PRLR: variants seen among roughly 807,000 people sequenced by gnomAD.
PRLR encodes the protein hPRL receptor.
PRLR carries 13 observed loss-of-function variants against 40.2 expected under a neutral mutation model. The ratio of observed to expected loss-of-function variants is 0.32; its 90% confidence interval spans 0.21 to 0.51. The LOEUF is 0.51. PRLR is among the 20% of genes least tolerant of loss of function. The pLI, the probability that PRLR is intolerant of heterozygous loss-of-function variation, is 0.97. For synonymous variants in PRLR, 269 were observed against 278.7 expected, an observed-to-expected ratio of 0.97 and a Z score of 0.35; for missense variants, 656 against 747.3, an observed-to-expected ratio of 0.88 and a Z score of 1.42.
chr5:35,121,344 C>A (rs1340478410), intron 1 of PRLR, among the ~76,000 whole-genome samples: 1 of 152,204 alleles, frequency 6.6e-6, no homozygotes, highest in Non-Finnish European at 1.5e-5. Flanking sequence ...AGTAAATCTT[C>A]TCAGTTCTAC....
At position 35,220,608 on chromosome 5, in the gene PRLR, A is replaced by G. The variant is rs184518997; in HGVS notation, c.-106+9660T>C. The stretch of plus-strand genomic sequence containing the variant: ...TTCCTCTTACTGGAATCTAAACTAC[A>G]CTAGAGTAGGAACTTCATCCTTCTA... On this transcript the variant is annotated intron_variant, in intron 1 of 9. Transcript: ENST00000618457. Among the ~76,000 whole-genome samples, 5 of 152,258 alleles carry G rather than the reference A, an allele frequency of 3.3e-5. No individual in the cohort carries two copies. In the East Asian group the frequency reaches 5.8e-4, roughly 18 times the overall value.
At chr5:35,101,007 G>C (rs1396952545) in intron 2 of PRLR, among the ~76,000 whole-genome samples, 1 of 152,166 alleles carries the variant, frequency 6.6e-6, no homozygotes, top group African/African-American at 2.4e-5. Flanking sequence ...ACAATCCAGA[G>C]ACAACCAGTA....
chr5:35,074,504 C>CATATATATATATATATATAT lies in PRLR; in HGVS notation c.374-1780_374-1761dup, dbSNP rs3034214. ...AACAGCTACATATTTTTTATGATTCCATATATATATATATATATATATGAA... is the reference window on the plus strand; with the variant it reads ...AACAGCTACATATTTTTTATGATTCCATATATATATATATATATATATATATATATATATATATATATGAA... On this transcript the variant is annotated intron_variant, in intron 5 of 9. Transcript: ENST00000618457. Among the ~76,000 whole-genome samples the CATATATATATATATATATAT allele has an allele frequency of 1.4e-3, 191 of 132,550 alleles. 6 individuals carry two copies. The highest frequency in any genetic ancestry group is 5.8e-3 in the African/African-American group (175 of 30,170). 87.0% of individuals were successfully genotyped at this position (132,550 alleles called of 152,430 possible).
chr5:35,128,339 G>T (rs1289937169), intron 1 of PRLR, among the ~76,000 whole-genome samples: 1 of 150,402 alleles, frequency 6.6e-6, no homozygotes, highest in Non-Finnish European at 1.5e-5. Context: ...AGATGCGCAA[G>T]TCTTTGATAC....
chr5:35,153,160 CATT>C (rs1774387460), intron 1 of PRLR, among the ~76,000 whole-genome samples: 1 of 152,166 alleles, frequency 6.6e-6, no homozygotes. Flanking sequence ...GGATGGCTAT[CATT>C]ATCATATTTT....
At chr5:35,146,937 A>C (rs1368428725) in intron 1 of PRLR, among the ~76,000 whole-genome samples, 2 of 152,064 alleles carry the variant, frequency 1.3e-5, no homozygotes, top group South Asian at 4.1e-4. Context: ...ACAGGAATCT[A>C]CCCACTTCAC....
chr5:35,190,172 C>T (rs1775562353), intron 1 of PRLR, among the ~76,000 whole-genome samples: 2 of 152,148 alleles, frequency 1.3e-5, no homozygotes, highest in Non-Finnish European at 2.9e-5. Context: ...CCCAGCAAAC[C>T]AGTACAGGGG....
intron 1 of PRLR, among the ~76,000 whole-genome samples, chr5:35,198,688 A>AT (rs1403321197): frequency 6.6e-6 from 1 of 152,170 alleles, no homozygotes; most frequent in Admixed American, 6.5e-5. Flanking sequence ...AAAGAAATAT[A>AT]TATTTTTTTT....
chr5:35,190,322 T>C (rs1775565977), intron 1 of PRLR, among the ~76,000 whole-genome samples: 1 of 152,110 alleles, frequency 6.6e-6, no homozygotes, highest in Non-Finnish European at 1.5e-5. Flanking sequence ...AAAATAATTC[T>C]GGCTGGGCAT....
intron 1 of PRLR, among the ~76,000 whole-genome samples, chr5:35,192,731 C>A (rs987619263): frequency 2.6e-5 from 4 of 152,160 alleles, no homozygotes; most frequent in Admixed American, 6.5e-5. Flanking sequence ...ATAGCAGATG[C>A]CCCAAGAAAA....
At position 35,068,248 on chromosome 5, in the gene PRLR, T is replaced by A. The variant is rs1156519148; in HGVS notation, c.823A>T (p.Lys275Ter). 1 of 1,613,614 alleles carries A rather than the reference T, an allele frequency of 6.2e-7. No homozygotes were observed. Among genetic ancestry groups the A allele is most frequent in the Admixed American group, 1.7e-5 (1 of 60,024 alleles). ...AGATGAGCATCAAATCCTTTTATTT[T>A]TGGCCCAGGAACTGGCGGAAAGATG... ...TCIFPPVPGP[K>*]IKGFDAHLLE... The change falls in exon 9 of 10, where the codon AAA becomes TAA. Residue 275 changes from lysine to a stop codon, truncating the protein, a stop_gained. Transcript: ENST00000618457. LOFTEE classifies it low-confidence loss of function (END_TRUNC).
At chr5:35,141,648 T>C (rs1342716112) in intron 1 of PRLR, among the ~76,000 whole-genome samples, 1 of 152,188 alleles carries the variant, frequency 6.6e-6, no homozygotes, top group African/African-American at 2.4e-5. Flanking sequence ...TAGAAACATA[T>C]ACTGAAAAAA....
intron 1 of PRLR, chr5:35,195,592 G>C (rs1345343602): frequency 6.6e-6 from 1 of 151,970 alleles, no homozygotes; most frequent in Non-Finnish European, 1.5e-5. Context: ...CACGCTTCAG[G>C]CTGGAGCCTT....
intron 3 of PRLR, among the ~76,000 whole-genome samples, chr5:35,088,920 A>T (rs249536): frequency 6.6e-6 from 1 of 152,026 alleles, no homozygotes; most frequent in African/African-American, 2.4e-5. Flanking sequence ...AGACAGAGAG[A>T]CATTTGAAAT....
rs28365902 is a variant in PRLR, at chr5:35,230,396, G to A, written c.-234C>T. 0.033 allele frequency: 5,005 copies of A among 152,360 alleles called. 110 individuals are homozygous for A. Among genetic ancestry groups the A allele is most frequent in the Middle Eastern group, 0.071 (21 of 296 alleles). The allele number at this position is 152,360 out of a possible 1,614,324, so 9.4% of individuals were successfully genotyped here. A position where few individuals can be genotyped will look rare whatever the true frequency, so the allele number is the denominator to read the frequency against. ...ATCCAGAAAGAGGGAGAAGGAGTGA[G>A]TAAGGCAGAAAGCCCAGCCCAGAAA... On this transcript the variant is annotated 5_prime_UTR_variant, in exon 1 of 10. Transcript: ENST00000618457.
chr5:35,223,217 CTTCT>C (rs1454747636), intron 1 of PRLR, among the ~76,000 whole-genome samples: 1 of 152,242 alleles, frequency 6.6e-6, no homozygotes, highest in Non-Finnish European at 1.5e-5. Flanking sequence ...TAAAAGATTA[CTTCT>C]TTCATTTTAT....
intron 1 of PRLR, among the ~76,000 whole-genome samples, chr5:35,189,521 T>C (rs190365358): frequency 0.05 from 7,485 of 151,140 alleles, 212 homozygotes; most frequent in Middle Eastern, 0.12. Context: ...GCAGAGGTTG[T>C]AGTGAGCTGA....
At chr5:35,074,663 T>G (rs1225796490) in intron 5 of PRLR, among the ~76,000 whole-genome samples, 1 of 151,982 alleles carries the variant, frequency 6.6e-6, no homozygotes, top group African/African-American at 2.4e-5. Context: ...CAGAACTAGA[T>G]AGTGGTGATG....
chr5:35,190,527 C>A (rs1315510712), intron 1 of PRLR, among the ~76,000 whole-genome samples: 4 of 151,852 alleles, frequency 2.6e-5, no homozygotes, highest in Non-Finnish European at 4.4e-5. Flanking sequence ...ATCGCTAGAA[C>A]TGGGGAGATG....
Sources: allele counts gnomAD v4.1 joint callset (sites outside exome capture counted in the v4.1 genomes callset), GRCh38; gene constraint gnomAD v4.1.1; transcripts MANE v1.5; gene names NCBI Gene and HGNC (gene_info 2026-07-23, HGNC 2026-07-21).